The following SAV1 variants were observed in gnomAD, a reference collection of about 807,000 sequenced individuals.
SAV1 encodes protein salvador homolog 1.
SAV1 carries 23 observed loss-of-function variants against 47.3 expected under a neutral mutation model. The observed-to-expected ratio is 0.49, with a 90% CI of 0.35 to 0.69. The LOEUF (loss-of-function observed/expected upper bound fraction) is 0.69. Among genes scored for constraint, SAV1 ranks in the 30% least tolerant of loss-of-function variants. SAV1 has a pLI of 0.01. For missense variants in SAV1, 448 were observed against 457.4 expected, an observed-to-expected ratio of 0.98 and a Z score of 0.19; for synonymous variants, 155 against 159.2, an observed-to-expected ratio of 0.97 and a Z score of 0.20.
intron 3 of SAV1, among the ~76,000 whole-genome samples, chr14:50,642,870 A>T (rs76477816): frequency 0.011 from 1,612 of 152,358 alleles, 28 homozygotes; most frequent in African/African-American, 0.035. Context: ...GGGGTGAAGA[A>T]GAATTGGGAC....
At chr14:50,661,459 T>C (rs2039859481) in intron 2 of SAV1, among the ~76,000 whole-genome samples, 1 of 152,258 alleles carries the variant, frequency 6.6e-6, no homozygotes, top group Non-Finnish European at 1.5e-5. Context: ...TATAGTCCCA[T>C]ATGTCTATTT....
intron 2 of SAV1, among the ~76,000 whole-genome samples, chr14:50,647,531 C>A (rs1454222143): frequency 6.6e-6 from 1 of 152,010 alleles, no homozygotes; most frequent in Non-Finnish European, 1.5e-5. Flanking sequence ...ACAGCTACGG[C>A]ACTCCGGTCT....
rs181737761 is a variant in SAV1, at chr14:50,660,937, T to C, written c.535+4242A>G. 2.1e-3 allele frequency among the ~76,000 whole-genome samples: 318 copies of C among 152,350 alleles called. 1 individual carries two copies. The highest frequency in any genetic ancestry group is 3.6e-3 in the Non-Finnish European group (247 of 68,024). ...TAAACATGGGAGTGCAGGTATTTCT[T>C]TGATATACTGATTTCTTTTCCTTTA... On this transcript the variant is annotated intron_variant, in intron 2 of 4. Transcript: ENST00000324679.
intron 2 of SAV1, among the ~76,000 whole-genome samples, chr14:50,657,024 C>CTTTTTT (rs3080610): frequency 8.2e-6 from 1 of 122,250 alleles, no homozygotes. Context: ...AAAACACTCA[C>CTTTTTT]TTTTTTTTTT....
intron 2 of SAV1, among the ~76,000 whole-genome samples, chr14:50,650,974 A>C (rs1298114926): frequency 1.3e-5 from 2 of 151,898 alleles, no homozygotes; most frequent in Non-Finnish European, 2.9e-5. Flanking sequence ...GTGAGCCGAG[A>C]GCGCGCCACT....
intron 4 of SAV1, among the ~76,000 whole-genome samples, chr14:50,640,334 G>A (rs1028206960): frequency 1.3e-5 from 2 of 152,038 alleles, no homozygotes; most frequent in African/African-American, 4.8e-5. Flanking sequence ...TGCCTAGACT[G>A]GTCTCGAACT....
chr14:50,649,757 T>C (rs575683725), intron 2 of SAV1, among the ~76,000 whole-genome samples: 1 of 152,280 alleles, frequency 6.6e-6, no homozygotes, highest in East Asian at 1.9e-4. Flanking sequence ...TCCCTGTGCC[T>C]GAAAGGTACA....
Position 50,668,064 on chromosome 14 carries a change from C to A in SAV1, c.-97G>T. On this transcript the variant is annotated 5_prime_UTR_variant, in exon 1 of 5. Coordinates refer to ENST00000324679, the MANE Select transcript of SAV1 (RefSeq NM_021818.4). ...GCCGCCACCTCCGCCGGCGCCGCCG[C>A]CTCCTTCCCTCCCGAGCCGCCGCCT... 1.2e-6 allele frequency: 1 copy of A among 816,172 alleles called. No homozygotes were observed. The highest frequency in any genetic ancestry group is 3.8e-5 in the South Asian group (1 of 26,258). 50.6% of individuals were successfully genotyped at this position (816,172 alleles called of 1,614,324 possible).
chr14:50,667,678 G>T (rs536294569), intron 1 of SAV1, among the ~76,000 whole-genome samples, 196 bp downstream of exon 1: 1 of 150,316 alleles, frequency 6.7e-6, no homozygotes, highest in Non-Finnish European at 1.5e-5. Flanking sequence ...GCGCGGGGGG[G>T]ACTAACCCAA....
intron 2 of SAV1, among the ~76,000 whole-genome samples, chr14:50,661,703 T>C (rs536978751): frequency 6.6e-6 from 1 of 152,252 alleles, no homozygotes; most frequent in Non-Finnish European, 1.5e-5. Flanking sequence ...CTTTTCCCAA[T>C]GCACGTTCTT....
At chr14:50,663,148 A>T (rs1305368988) in intron 2 of SAV1, 1 of 152,254 alleles carries the variant, frequency 6.6e-6, no homozygotes, top group Non-Finnish European at 1.5e-5. Context: ...ACATGAAGAA[A>T]ATCATTCAAG....
At chr14:50,639,364 T>C (rs1566740078) in intron 4 of SAV1, among the ~76,000 whole-genome samples, 3 of 63,754 alleles carry the variant, frequency 4.7e-5, no homozygotes, top group South Asian at 4.4e-4. Context: ...GTTGTGATAA[T>C]TGATTCTCAT....
chr14:50,664,132 T>A (rs1254933575), intron 2 of SAV1: 3 of 152,212 alleles, frequency 2.0e-5, no homozygotes, highest in Admixed American at 6.5e-5. Flanking sequence ...TCACAAAGTA[T>A]AACAATTTTT....
chr14:50,649,218 C>T (rs2039747557), intron 2 of SAV1, among the ~76,000 whole-genome samples: 1 of 152,208 alleles, frequency 6.6e-6, no homozygotes, highest in African/African-American at 2.4e-5. Flanking sequence ...CTATGGCAGT[C>T]TACATCTGCT....
intron 2 of SAV1, among the ~76,000 whole-genome samples, chr14:50,648,218 T>C (rs1255890636): frequency 6.6e-6 from 1 of 152,176 alleles, no homozygotes; most frequent in Non-Finnish European, 1.5e-5. Context: ...TACAGTTCCA[T>C]TTTTATGAGA....
intron 1 of SAV1, chr14:50,667,447 CACAG>C: frequency 2.2e-6 from 1 of 456,712 alleles, no homozygotes; most frequent in Non-Finnish European, 4.4e-6. Flanking sequence ...CAACTTGCAG[CACAG>C]TCGAGAGACA....
At position 50,665,340 on chromosome 14, in the gene SAV1, T is replaced by G; in HGVS notation, c.374A>C (p.Glu125Ala). Residue 125 changes from glutamate (E) to alanine (A), a missense_variant, in exon 2 of 5, where the codon GAA becomes GCA. By Grantham distance (107) the Glu-to-Ala change is moderately radical. Coordinates refer to ENST00000324679, the MANE Select transcript of SAV1 (RefSeq NM_021818.4). Reference protein sequence around the residue: ...SFVTEVSFAVENGDSGSRYYY... With the variant: ...SFVTEVSFAVANGDSGSRYYY... ...ATATCGGGAACCAGAGTCTCCATTT[T>G]CAACAGCAAAACTAACTTCCGTTAC... 1.2e-6 allele frequency: 2 copies of G among 1,613,742 alleles called. No individual in the cohort carries two copies. Among genetic ancestry groups the G allele is most frequent in the Non-Finnish European group, 8.5e-7 (1 of 1,179,764 alleles).
At position 50,665,549 on chromosome 14, in the gene SAV1, T is replaced by C. The variant is rs1329918128; in HGVS notation, c.165A>G (p.Ser55=). ...PRRTDICLPD[S]SPNAFSTSGD... Reference sequence around the variant, plus strand: ...CAGAAGTTGAAAAGGCATTAGGGCTTGAATCTGGAAGACAGATATCAGTTC... The same window carrying C: ...CAGAAGTTGAAAAGGCATTAGGGCTCGAATCTGGAAGACAGATATCAGTTC... Residue 55 remains serine (S), a synonymous_variant, in exon 2 of 5, where the codon TCA becomes TCG. Transcript: ENST00000324679. 6.2e-7 allele frequency: 1 copy of C among 1,614,024 alleles called. No individual in the cohort carries two copies. Among genetic ancestry groups the C allele is most frequent in the East Asian group, 2.2e-5 (1 of 44,882 alleles).
At chr14:50,661,833 T>C (rs1362355658) in intron 2 of SAV1, among the ~76,000 whole-genome samples, 1 of 152,244 alleles carries the variant, frequency 6.6e-6, no homozygotes, top group East Asian at 1.9e-4. Flanking sequence ...GTGGTTACTA[T>C]AGCCTTATTT....
Sources: allele counts gnomAD v4.1 joint callset (sites outside exome capture counted in the v4.1 genomes callset), GRCh38; gene constraint gnomAD v4.1.1; transcripts MANE v1.5; gene names NCBI Gene and HGNC (gene_info 2026-07-23, HGNC 2026-07-21).